The following CELA2A variants were observed in gnomAD, a reference collection of about 807,000 sequenced individuals.
CELA2A encodes chymotrypsin like elastase 2A.
A neutral mutation model predicts 35.3 loss-of-function variants in CELA2A; 31 were observed. The ratio of observed to expected loss-of-function variants is 0.88; its 90% CI spans 0.66 to 1.19. CELA2A has a LOEUF of 1.19. Among genes scored for constraint, CELA2A ranks in the 50% most tolerant of loss-of-function variants. The probability of loss-of-function intolerance (pLI) is 0.00; values close to 1 mark genes in which losing one functional copy is unlikely to be tolerated. For missense variants in CELA2A, 330 were observed against 352.9 expected (o/e 0.94, Z 0.52); for synonymous variants, 150 against 149.8 (o/e 1.00, Z -0.01).
rs145723216 is a variant in CELA2A at position 15,464,261 on chromosome 1, A to G, written c.493+739A>G. ...ACAGCATTTTCCTCTGTGACCTGAG[A>G]CCCCTGGAGCCCTCATCAGACCCTC... On this transcript the variant is annotated intron_variant, in intron 5 of 7. Transcript: ENST00000359621. Among the ~76,000 whole-genome samples, 107 of 152,068 alleles carry G rather than the reference A, an allele frequency of 7.0e-4. 1 individual carries two copies. The highest frequency in any genetic ancestry group is 2.4e-3 in the African/African-American group (101 of 41,470).
chr1:15,460,249 A>C (rs1025854283), intron 2 of CELA2A, among the ~76,000 whole-genome samples: 1 of 151,956 alleles, frequency 6.6e-6, no homozygotes, highest in Non-Finnish European at 1.5e-5. Flanking sequence ...GGCCACACAT[A>C]ATACGTATTA....
rs564314990 is a variant in CELA2A, at chr1:15,470,765, G to C, written c.793-1225G>C. 3.7e-4 allele frequency among the ~76,000 whole-genome samples: 57 copies of C among 152,232 alleles called. 1 individual carries two copies. The highest frequency in any genetic ancestry group is 1.3e-3 in the African/African-American group (56 of 41,552). On this transcript the variant is annotated intron_variant, in intron 7 of 7. Transcript: ENST00000359621. ...CCAACTAATTTTTGTATTTTTAGTA[G>C]AGATGGGGTTTCACCATGTTGGCCA...
At chr1:15,468,363 A>AC (rs1254267192) in intron 7 of CELA2A, among the ~76,000 whole-genome samples, 1 of 152,116 alleles carries the variant, frequency 6.6e-6, no homozygotes, top group Non-Finnish European at 1.5e-5. Context: ...TTACACTGGG[A>AC]CCATCCCAGG....
At chr1:15,463,093 A>T in intron 4 of CELA2A, 2 of 740,808 alleles carry the variant, frequency 2.7e-6, no homozygotes, top group Non-Finnish European at 4.3e-6. Context: ...GCTGCCAGTT[A>T]CACCTGCAGG....
chr1:15,463,240 T>C, intron 4 of CELA2A, 146 bp from the exon 5 acceptor site: 1 of 1,306,198 alleles, frequency 7.7e-7, no homozygotes, highest in South Asian at 1.4e-5. Flanking sequence ...CCCTCTGCAT[T>C]TTCAAACATG....
chr1:15,462,896 T>C (rs948008389), intron 4 of CELA2A, 35 bp downstream of exon 4: 4 of 1,613,686 alleles, frequency 2.5e-6, no homozygotes, highest in Admixed American at 1.7e-5. Flanking sequence ...GGGGGTGAGG[T>C]TGTCAGGGAA....
At chr1:15,463,138 C>T in intron 4 of CELA2A, 1 of 719,550 alleles carries the variant, frequency 1.4e-6, no homozygotes, top group South Asian at 1.9e-5. Context: ...TACTTCATGC[C>T]AGGTCCTGGG....
intron 5 of CELA2A, among the ~76,000 whole-genome samples, chr1:15,465,418 G>C (rs958926887): frequency 6.6e-6 from 1 of 152,046 alleles, no homozygotes. Flanking sequence ...CTGTGTCATT[G>C]GGGGCCATTA....
chr1:15,461,567 C>A lies in CELA2A; in HGVS notation c.136C>A (p.Leu46Met). 39 of 1,612,176 alleles carry A rather than the reference C, an allele frequency of 2.4e-5. No individual in the cohort carries two copies. The highest frequency in any genetic ancestry group is 3.3e-5 in the Non-Finnish European group (39 of 1,179,926). ...RPNSWPWQVS[L>M]QYSSNGKWYH... ...CTCCTTTGCTTCTCCCCAGGTCTCC[C>A]TGCAGTACAGCTCCAATGGCAAGTG... Residue 46 changes from leucine to methionine, a missense_variant, in exon 3 of 8, where the codon CTG becomes ATG. Physicochemically the swap from Leu to Met is conservative, Grantham distance 15. Transcript: ENST00000359621.
chr1:15,464,708 T>C (rs1708491636), intron 5 of CELA2A, among the ~76,000 whole-genome samples: 2 of 152,122 alleles, frequency 1.3e-5, no homozygotes, highest in South Asian at 4.1e-4. Context: ...CTTATTAAGA[T>C]ACAAGCACAA....
Position 15,461,405 on chromosome 1 carries a change from G to C in CELA2A, c.130-156G>C, listed in dbSNP as rs112031477. ...ATTGCATTAACACGTTTTTTATCTT[G>C]ATGGCTGAGGTTTTGGGTGCTGCCT... On this transcript the variant is annotated intron_variant, in intron 2 of 7. Coordinates refer to ENST00000359621, the MANE Select transcript of CELA2A (RefSeq NM_033440.3). 0.02 allele frequency among the ~76,000 whole-genome samples: 3,001 copies of C among 152,256 alleles called. 88 individuals carry two copies. Among genetic ancestry groups the C allele is most frequent in the African/African-American group, 0.063 (2,633 of 41,546 alleles).
rs377600147 is a variant in CELA2A, at chr1:15,463,419, C to T, written c.390C>T (p.Pro130=). The T allele has an allele frequency of 4.2e-5, 68 of 1,613,798 alleles. No homozygotes were observed. Among genetic ancestry groups the T allele is most frequent in the East Asian group, 6.7e-5 (3 of 44,896 alleles). The change falls in exon 5 of 8, where the codon CCC becomes CCT. Residue 130 remains proline (P), a synonymous_variant. Coordinates refer to ENST00000359621, the MANE Select transcript of CELA2A (RefSeq NM_033440.3). Reference sequence around the variant, plus strand: ...TTGCCCTGCTCAAACTGGCTAACCCCGTCTCCCTCACCGACAAGATCCAGC... The same window carrying T: ...TTGCCCTGCTCAAACTGGCTAACCCTGTCTCCCTCACCGACAAGATCCAGC... ...NDIALLKLAN[P]VSLTDKIQLA... is the part of the protein sequence containing the mutation.
At chr1:15,464,714 C>T (rs767481166) in intron 5 of CELA2A, among the ~76,000 whole-genome samples, 1 of 152,128 alleles carries the variant, frequency 6.6e-6, no homozygotes, top group East Asian at 1.9e-4. Context: ...AAGATACAAG[C>T]ACAACCTCCT....
In CELA2A at chr1:15,457,133, G is replaced by C. The variant is rs371703213; in HGVS notation, c.88G>C (p.Val30Leu). The change falls in exon 2 of 8, where the codon GTT becomes CTT. Residue 30 changes from valine (V) to leucine (L), a missense_variant. Val to Leu is a conservative substitution (Grantham distance 32, BLOSUM62 1). Transcript: ENST00000359621. Reference sequence around the variant, plus strand: ...TTACCCACCTTATGTGACTAGGGTGGTTGGCGGTGAAGAAGCGAGGCCCAA... The same window carrying C: ...TTACCCACCTTATGTGACTAGGGTGCTTGGCGGTGAAGAAGCGAGGCCCAA... Reference protein sequence around the residue: ...PTYPPYVTRVVGGEEARPNSW... With the variant: ...PTYPPYVTRVLGGEEARPNSW... 6 of 1,614,022 alleles carry C rather than the reference G, an allele frequency of 3.7e-6. No homozygotes were observed. Among genetic ancestry groups the C allele is most frequent in the Non-Finnish European group, 5.1e-6 (6 of 1,180,048 alleles).
intron 7 of CELA2A, among the ~76,000 whole-genome samples, chr1:15,469,590 A>C (rs929386684): frequency 2.6e-5 from 4 of 152,214 alleles, no homozygotes; most frequent in Non-Finnish European, 4.4e-5. Context: ...TTCTTGCCAG[A>C]TCCTTGTTCA....
At chr1:15,457,030 A>T in intron 1 of CELA2A, 56 bp from the exon 2 acceptor site, 1 of 1,525,162 alleles carries the variant, frequency 6.6e-7, no homozygotes, top group South Asian at 1.1e-5. Context: ...CAGCAAGTGT[A>T]GTTTACATTG....
chr1:15,457,203 G>T lies in CELA2A; in HGVS notation c.129+29G>T, dbSNP rs183764713. ...AGTTGACCACACTGTACTTCTCCCC[G>T]TCCCTGCCCCACTCCCTTTACATCT... is the stretch of plus-strand genomic sequence containing the variant. On this transcript the variant is annotated intron_variant, in intron 2 of 7. Transcript: ENST00000359621. 4 of 1,603,028 alleles carry T rather than the reference G, an allele frequency of 2.5e-6. No homozygotes were observed. In the Admixed American group the frequency reaches 6.7e-5, roughly 27 times the overall value.
chr1:15,465,936 C>T (rs1474165368), intron 5 of CELA2A, 63 bp from the exon 6 acceptor site: 3 of 1,586,260 alleles, frequency 1.9e-6, no homozygotes, highest in Admixed American at 1.7e-5. Context: ...TAAGACGGGT[C>T]CATCACTTCC....
chr1:15,457,209 G>A (rs1318648405), intron 2 of CELA2A, 35 bp downstream of exon 2: 12 of 1,596,146 alleles, frequency 7.5e-6, no homozygotes, highest in Non-Finnish European at 1.0e-5. Flanking sequence ...CCCCGTCCCT[G>A]CCCCACTCCC....
Sources: gnomAD v4.1 joint callset for allele counts (sites outside exome capture counted in the v4.1 genomes callset) on GRCh38, gnomAD v4.1.1 for gene constraint, MANE v1.5 for transcripts, NCBI Gene and HGNC (gene_info 2026-07-23, HGNC 2026-07-21) for gene names.